The following KCNK2 variants were observed in gnomAD, a reference collection of about 807,000 sequenced individuals.
The protein encoded by KCNK2 is potassium two pore domain channel subfamily K member 2.
In KCNK2, 21 loss-of-function variants were observed where a neutral mutation model predicts 40.5. The ratio of observed to expected loss-of-function variants is 0.52; its 90% CI spans 0.37 to 0.75. The LOEUF is 0.75. KCNK2 is among the 30% of genes least tolerant of loss of function. The probability of loss-of-function intolerance (pLI) is 0.00; values close to 1 mark genes in which losing one functional copy is unlikely to be tolerated. For synonymous variants in KCNK2, 191 were observed against 202.2 expected (o/e 0.94, Z 0.47); for missense variants, 399 against 531.6 (o/e 0.75, Z 2.45).
At chr1:215,171,271 T>C (rs1295504566) in intron 4 of KCNK2, among the ~76,000 whole-genome samples, 1 of 152,094 alleles carries the variant, frequency 6.6e-6, no homozygotes, top group East Asian at 1.9e-4. Flanking sequence ...GAGAAGGAGT[T>C]TTAAAAAATG....
intron 6 of KCNK2, among the ~76,000 whole-genome samples, chr1:215,231,026 G>A (rs371700246): frequency 3.9e-5 from 6 of 152,176 alleles, no homozygotes; most frequent in African/African-American, 1.2e-4. Flanking sequence ...AGAAGCACTC[G>A]GCTCTACATG....
At chr1:215,182,179 T>C (rs914900463) in intron 5 of KCNK2, among the ~76,000 whole-genome samples, 2 of 151,724 alleles carry the variant, frequency 1.3e-5, no homozygotes, top group Admixed American at 6.6e-5. Context: ...GGCAAACAGA[T>C]GCTCTGAATG....
At chr1:215,056,138 G>A (rs1046147149) in intron 1 of KCNK2, among the ~76,000 whole-genome samples, 2 of 151,738 alleles carry the variant, frequency 1.3e-5, no homozygotes, top group South Asian at 2.1e-4. Context: ...GAGAAACCCC[G>A]TCTCTACTAA....
At chr1:215,100,984 T>G (rs1660182380) in intron 2 of KCNK2, among the ~76,000 whole-genome samples, 1 of 152,042 alleles carries the variant, frequency 6.6e-6, no homozygotes, top group African/African-American at 2.4e-5. Context: ...ATTTTTGCAT[T>G]TATCTATTTT....
chr1:215,107,723 C>T (rs1660494131), intron 2 of KCNK2, among the ~76,000 whole-genome samples: 1 of 151,550 alleles, frequency 6.6e-6, no homozygotes, highest in Non-Finnish European at 1.5e-5. Flanking sequence ...CATGTGTGTT[C>T]TATGTATATT....
At chr1:215,121,867 T>A (rs898116393) in intron 2 of KCNK2, among the ~76,000 whole-genome samples, 2 of 152,218 alleles carry the variant, frequency 1.3e-5, no homozygotes, top group Non-Finnish European at 2.9e-5. Context: ...TATATGGGCT[T>A]TCTTGATATT....
intron 1 of KCNK2, among the ~76,000 whole-genome samples, chr1:215,027,388 A>G (rs1032157114): frequency 1.8e-4 from 28 of 152,296 alleles, no homozygotes; most frequent in African/African-American, 6.0e-4. Context: ...TTTGGTAAAT[A>G]TCGGAAATAT....
intron 2 of KCNK2, among the ~76,000 whole-genome samples, chr1:215,089,485 G>T (rs1446001757): frequency 6.6e-6 from 1 of 152,130 alleles, no homozygotes; most frequent in Non-Finnish European, 1.5e-5. Flanking sequence ...CAGGCATTAG[G>T]TTATTAATTA....
chr1:215,216,030 G>T (rs1665944310), intron 6 of KCNK2, among the ~76,000 whole-genome samples: 1 of 152,180 alleles, frequency 6.6e-6, no homozygotes, highest in Non-Finnish European at 1.5e-5. Context: ...CCTGCACAGT[G>T]AGCAGCATTT....
chr1:215,078,746 T>C (rs1009876297), upstream of KCNK2, among the ~76,000 whole-genome samples: 2 of 152,216 alleles, frequency 1.3e-5, no homozygotes, highest in Non-Finnish European at 2.9e-5. Flanking sequence ...ACTTTGATTC[T>C]TACAACAATC....
intron 6 of KCNK2, among the ~76,000 whole-genome samples, chr1:215,214,759 G>A (rs1031475343): frequency 6.6e-5 from 10 of 152,086 alleles, no homozygotes; most frequent in Non-Finnish European, 1.2e-4. Context: ...CCGGGAGGTC[G>A]AGGTTGCAAG....
intron 3 of KCNK2, among the ~76,000 whole-genome samples, chr1:215,131,297 T>G (rs947643550): frequency 1.3e-5 from 2 of 149,158 alleles, no homozygotes; most frequent in African/African-American, 4.9e-5. Context: ...AAGAAGATTT[T>G]ATTACTTGGA....
chr1:215,046,512 C>T (rs1036013206), intron 1 of KCNK2, among the ~76,000 whole-genome samples: 8 of 152,086 alleles, frequency 5.3e-5, no homozygotes, highest in African/African-American at 1.9e-4. Context: ...GTACTTTCAA[C>T]TTTGAAAGCT....
At position 215,105,938 on chromosome 1, in the gene KCNK2, G is replaced by T. The variant is rs959617311; in HGVS notation, c.358-18695G>T. Among the ~76,000 whole-genome samples the T allele has an allele frequency of 5.3e-5, 8 of 152,132 alleles. No individual in the cohort carries two copies. The East Asian group carries it at 1.5e-3, about 29-fold the overall frequency. Reference sequence around the variant, plus strand: ...GGACATGATTTTGTTCTTCTTAATGGCTGCATAGTATTGCATGGTGTATAT... The same window carrying T: ...GGACATGATTTTGTTCTTCTTAATGTCTGCATAGTATTGCATGGTGTATAT... On this transcript the variant is annotated intron_variant, in intron 2 of 6. Coordinates refer to ENST00000444842, the MANE Select transcript of KCNK2 (RefSeq NM_001017425.3).
chr1:215,139,877 G>A (rs897794652), intron 3 of KCNK2, among the ~76,000 whole-genome samples: 2 of 152,042 alleles, frequency 1.3e-5, no homozygotes, highest in African/African-American at 4.8e-5. Flanking sequence ...ATGGTAATAT[G>A]TGATTAACAT....
At chr1:215,173,076 C>T (rs1200902042) in intron 5 of KCNK2, among the ~76,000 whole-genome samples, 4 of 152,120 alleles carry the variant, frequency 2.6e-5, no homozygotes, top group East Asian at 3.9e-4. Context: ...CCCATTAACT[C>T]GTCATTTACA....
Position 215,070,725 on chromosome 1 carries a change from G to C in KCNK2, c.35-15643G>C, listed in dbSNP as rs12566202. 2.5e-4 allele frequency among the ~76,000 whole-genome samples: 38 copies of C among 152,274 alleles called. No homozygotes were observed. The East Asian group carries it at 6.0e-3, about 24-fold the overall frequency. ...AGAGCTACGGTTCAAGATGAGATTT[G>C]AGTAGAGACACAGACAAACCATATC... On this transcript the variant is annotated intron_variant, in intron 1 of 6. Coordinates refer to the KCNK2 transcript ENST00000391895.
intron 2 of KCNK2, among the ~76,000 whole-genome samples, chr1:215,120,618 G>T (rs1262252532): frequency 6.6e-6 from 1 of 152,122 alleles, no homozygotes; most frequent in East Asian, 1.9e-4. Context: ...TGAATCTGTG[G>T]CATTTCCATG....
intron 6 of KCNK2, among the ~76,000 whole-genome samples, chr1:215,198,557 A>G (rs982722422): frequency 1.3e-5 from 2 of 152,234 alleles, no homozygotes; most frequent in African/African-American, 4.8e-5. Context: ...ACTAAAGGGT[A>G]TAAATCAATA....
Sources: allele counts gnomAD v4.1 joint callset (sites outside exome capture counted in the v4.1 genomes callset), GRCh38; gene constraint gnomAD v4.1.1; transcripts MANE v1.5; gene names NCBI Gene and HGNC (gene_info 2026-07-23, HGNC 2026-07-21).